The following NEDD4L variants were observed in gnomAD, a reference collection of about 807,000 sequenced individuals.
The protein encoded by NEDD4L is E3 ubiquitin-protein ligase NEDD4-like.
Under a neutral mutation model 148.9 loss-of-function variants are expected in NEDD4L, and 54 were observed. That is an observed-to-expected ratio of 0.36 (90% CI 0.29 to 0.45). The LOEUF is 0.45. NEDD4L is among the 20% of genes least tolerant of loss of function. The pLI is 1.00. For missense variants in NEDD4L, 856 were observed against 1,233.8 expected, an observed-to-expected ratio of 0.69 and a Z score of 4.59; for synonymous variants, 433 against 440.7, an observed-to-expected ratio of 0.98 and a Z score of 0.22.
intron 1 of NEDD4L, among the ~76,000 whole-genome samples, chr18:58,108,724 T>G (rs1160910362): frequency 2.0e-5 from 3 of 152,216 alleles, no homozygotes; most frequent in Non-Finnish European, 4.4e-5. Context: ...CCCAGCCTAC[T>G]GTTATTATTT....
At chr18:58,356,310 T>G (rs1336511695) in intron 18 of NEDD4L, among the ~76,000 whole-genome samples, 1 of 151,486 alleles carries the variant, frequency 6.6e-6, no homozygotes, top group East Asian at 1.9e-4. Context: ...TTTTGTTTTT[T>G]ACTAACCTAG....
chr18:58,200,025 A>C (rs2041211021), intron 2 of NEDD4L, among the ~76,000 whole-genome samples: 2 of 152,244 alleles, frequency 1.3e-5, no homozygotes, highest in Admixed American at 1.3e-4. Context: ...TTATTAAAAA[A>C]GCACAAACAA....
intron 5 of NEDD4L, chr18:58,255,768 G>GC (rs1345954850): frequency 1.6e-6 from 2 of 1,232,584 alleles, no homozygotes; most frequent in Non-Finnish European, 2.0e-6. Context: ...CGGAGAAGCA[G>GC]CCCGCACCCC....
chr18:58,380,051 AT>A (rs909116310), intron 24 of NEDD4L, among the ~76,000 whole-genome samples: 1 of 147,910 alleles, frequency 6.8e-6, no homozygotes, highest in African/African-American at 2.5e-5. Context: ...GTGTGGGCCC[AT>A]TTTTTCTTTT....
At chr18:58,392,215 C>T (rs991941841) in intron 30 of NEDD4L, among the ~76,000 whole-genome samples, 9 of 152,232 alleles carry the variant, frequency 5.9e-5, no homozygotes, top group African/African-American at 2.2e-4. Flanking sequence ...TCAGGGAGCT[C>T]TTGCTAACTC....
intron 1 of NEDD4L, among the ~76,000 whole-genome samples, chr18:58,121,514 T>C (rs112984941): frequency 4.2e-4 from 64 of 152,040 alleles, no homozygotes; most frequent in African/African-American, 1.4e-3. Context: ...AAGCGCTCCT[T>C]CCACTTCAAC....
chr18:58,109,579 T>G (rs887509570), intron 1 of NEDD4L, among the ~76,000 whole-genome samples: 18 of 148,150 alleles, frequency 1.2e-4, no homozygotes, highest in South Asian at 4.3e-4. Context: ...TTTGTTTTTT[T>G]TTTTTTTTTT....
intron 2 of NEDD4L, among the ~76,000 whole-genome samples, chr18:58,181,408 G>T (rs2038846488): frequency 6.6e-6 from 1 of 152,080 alleles, no homozygotes; most frequent in Admixed American, 6.5e-5. Flanking sequence ...ACTCTTCCAG[G>T]TTTCTTTAAG....
chr18:58,395,357 C>T (rs1164623898), intron 30 of NEDD4L, among the ~76,000 whole-genome samples: 2 of 152,090 alleles, frequency 1.3e-5, no homozygotes. Flanking sequence ...AGTAATTGAG[C>T]CCTTGCTGTA....
chr18:58,111,802 C>T (rs1038385187), intron 1 of NEDD4L, among the ~76,000 whole-genome samples: 5 of 152,076 alleles, frequency 3.3e-5, no homozygotes, highest in African/African-American at 1.2e-4. Flanking sequence ...CATTCTTGTA[C>T]AGGTTTTGGA....
intron 24 of NEDD4L, among the ~76,000 whole-genome samples, chr18:58,377,695 T>C (rs2047747246): frequency 6.6e-6 from 1 of 152,096 alleles, no homozygotes; most frequent in Admixed American, 6.5e-5. Flanking sequence ...AAGTGAAAAT[T>C]CTTTATTGCA....
At chr18:58,098,059 A>T (rs2084530685) in intron 1 of NEDD4L, among the ~76,000 whole-genome samples, 1 of 152,184 alleles carries the variant, frequency 6.6e-6, no homozygotes, top group South Asian at 2.1e-4. Context: ...AACCAAAAGT[A>T]TAGTTGCAGA....
At chr18:58,192,120 G>A (rs2040188619) in intron 2 of NEDD4L, among the ~76,000 whole-genome samples, 1 of 152,158 alleles carries the variant, frequency 6.6e-6, no homozygotes. Context: ...GCAGTGAGCT[G>A]AGATTGCACC....
chr18:58,282,168 C>T (rs549978411), intron 5 of NEDD4L, among the ~76,000 whole-genome samples: 7 of 119,692 alleles, frequency 5.8e-5, no homozygotes, highest in Admixed American at 2.4e-4. Flanking sequence ...ACAAAATATC[C>T]GCGTGAGTGG....
intron 29 of NEDD4L, 54 bp from the exon 30 acceptor site, chr18:58,391,433 C>T (rs890947163): frequency 1.4e-6 from 2 of 1,419,544 alleles, no homozygotes; most frequent in South Asian, 1.2e-5. Flanking sequence ...CACACCATAG[C>T]TTCATTCTTC....
At chr18:58,150,267 T>C (rs987261785) in intron 1 of NEDD4L, among the ~76,000 whole-genome samples, 3 of 152,244 alleles carry the variant, frequency 2.0e-5, no homozygotes, top group African/African-American at 4.8e-5. Context: ...GGAGTTTCAC[T>C]CTTGTTGCCT....
intron 2 of NEDD4L, chr18:58,195,732 T>A (rs1179882850): frequency 7.4e-7 from 1 of 1,350,672 alleles, no homozygotes; most frequent in Non-Finnish European, 9.8e-7. Context: ...GCCTGGAATC[T>A]GGTAAGTGCC....
In NEDD4L at chr18:58,400,507, G is replaced by A. The variant is rs1051909329; in HGVS notation, c.*4238G>A. ...AGAGAAAGTGCCACAGCATTAGGAC[G>A]GGAGCTTGGAGAACGTTTTCTAGAA... On this transcript the variant is annotated 3_prime_UTR_variant, in exon 31 of 31. Transcript: ENST00000400345. 9.9e-5 allele frequency: 15 copies of A among 152,126 alleles called. No homozygotes were observed. Among genetic ancestry groups the A allele is most frequent in the African/African-American group, 3.4e-4 (14 of 41,428 alleles). The allele number at this position is 152,126 out of a possible 1,614,324, so 9.4% of individuals were successfully genotyped here.
At chr18:58,310,110 C>T (rs548763372) in intron 5 of NEDD4L, among the ~76,000 whole-genome samples, 1 of 152,270 alleles carries the variant, frequency 6.6e-6, no homozygotes, top group East Asian at 1.9e-4. Context: ...AATAAGTGTT[C>T]CTCAAAATAG....
Sources: allele counts gnomAD v4.1 joint callset (sites outside exome capture counted in the v4.1 genomes callset), GRCh38; gene constraint gnomAD v4.1.1; transcripts MANE v1.5; gene names NCBI Gene and HGNC (gene_info 2026-07-23, HGNC 2026-07-21).